EPSTI1: variants seen among roughly 807,000 people sequenced by gnomAD.
EPSTI1 encodes epithelial-stromal interaction protein 1.
Under a neutral mutation model 49.9 loss-of-function variants are expected in EPSTI1, and 66 were observed. That is an observed-to-expected ratio of 1.32 (90% CI 1.08 to 1.62). The LOEUF (loss-of-function observed/expected upper bound fraction) is 1.62. Ranked by LOEUF, EPSTI1 falls within the 40% of genes most tolerant of loss-of-function variation. EPSTI1 has a pLI of 0.00. For synonymous variants in EPSTI1, 137 were observed against 130.7 expected (o/e 1.05, Z -0.33); for missense variants, 394 against 365.5 (o/e 1.08, Z -0.64).
intron 5 of EPSTI1, among the ~76,000 whole-genome samples, chr13:42,954,648 G>C (rs2039204538): frequency 1.3e-5 from 2 of 152,118 alleles, no homozygotes; most frequent in African/African-American, 4.8e-5. Flanking sequence ...CATGGCTCTG[G>C]CATATTTTAA....
chr13:42,926,362 C>T lies in EPSTI1; in HGVS notation c.631G>A (p.Val211Ile). 1 of 1,612,370 alleles carries T rather than the reference C, an allele frequency of 6.2e-7. No individual in the cohort carries two copies. Among genetic ancestry groups the T allele is most frequent in the Non-Finnish European group, 8.5e-7 (1 of 1,178,348 alleles). Residue 211 changes from valine (V) to isoleucine (I), a missense_variant, in exon 7 of 11, where the codon GTT becomes ATT. Val to Ile is a conservative substitution (Grantham distance 29). Transcript: ENST00000313624. ...CATGTTGAGGATTGTGGGCCACAAA[C>T]AGCACTTTGACAGGCACTTCTGTCT... The part of the protein sequence containing the change: ...SPDRSACQSA[V>I]CGPQSSTWAR...
At chr13:42,961,138 G>A (rs1218621488) in intron 5 of EPSTI1, among the ~76,000 whole-genome samples, 2 of 152,148 alleles carry the variant, frequency 1.3e-5, no homozygotes, top group Non-Finnish European at 2.9e-5. Context: ...CTAGCCCTCT[G>A]AGGTTTGGCT....
intron 6 of EPSTI1, among the ~76,000 whole-genome samples, chr13:42,937,223 A>AC (rs1238556258): frequency 4.3e-4 from 8 of 18,620 alleles, no homozygotes; most frequent in Admixed American, 2.6e-3. Flanking sequence ...CGTTGTTGCT[A>AC]AAAAAAATGC....
chr13:42,974,583 A>T (rs9533325), intron 1 of EPSTI1, among the ~76,000 whole-genome samples: 1 of 151,084 alleles, frequency 6.6e-6, no homozygotes, highest in Non-Finnish European at 1.5e-5. Context: ...GGCGTGAACC[A>T]GGGAGGCGGA....
In EPSTI1 at chr13:42,901,975, T is replaced by A. The variant is rs574568760; in HGVS notation, c.742-1592A>T. Among the ~76,000 whole-genome samples the A allele has an allele frequency of 3.7e-3, 543 of 147,554 alleles. 5 individuals carry two copies. The highest frequency in any genetic ancestry group is 0.012 in the African/African-American group (487 of 40,150). ...ATGTTCCCCTTCCTGTGTCCATGTG[T>A]TCTCATTGTTCAATTCCCACCTATG... On this transcript the variant is annotated intron_variant, in intron 8 of 10. Transcript: ENST00000313624.
At chr13:42,965,274 A>T (rs1432025057) in intron 3 of EPSTI1, among the ~76,000 whole-genome samples, 2 of 152,324 alleles carry the variant, frequency 1.3e-5, no homozygotes, top group Middle Eastern at 3.4e-3. Flanking sequence ...AGTTTTGTTC[A>T]AAACTCATCT....
chr13:42,987,261 ACT>A (rs1476766519), intron 1 of EPSTI1, among the ~76,000 whole-genome samples: 3 of 152,030 alleles, frequency 2.0e-5, no homozygotes, highest in South Asian at 2.1e-4. Context: ...GTCCACACTA[ACT>A]CTGAGTAGTT....
At chr13:42,905,574 G>A (rs1039237685) in intron 8 of EPSTI1, among the ~76,000 whole-genome samples, 2 of 152,224 alleles carry the variant, frequency 1.3e-5, no homozygotes, top group Admixed American at 6.5e-5. Context: ...GACCAAGCTC[G>A]GGACATGAAA....
chr13:42,913,113 A>G (rs1453411467), intron 8 of EPSTI1, among the ~76,000 whole-genome samples: 1 of 152,094 alleles, frequency 6.6e-6, no homozygotes, highest in East Asian at 1.9e-4. Context: ...GAAGAAAAAA[A>G]ACAGTAAATA....
At chr13:42,915,039 A>T (rs986732278) in intron 8 of EPSTI1, among the ~76,000 whole-genome samples, 1 of 152,266 alleles carries the variant, frequency 6.6e-6, no homozygotes, top group Admixed American at 6.5e-5. Flanking sequence ...CCTAAACTTA[A>T]CCTAGATTAT....
intron 10 of EPSTI1, among the ~76,000 whole-genome samples, chr13:42,892,240 G>A (rs980002137): frequency 2.0e-5 from 3 of 152,186 alleles, no homozygotes; most frequent in Non-Finnish European, 2.9e-5. Flanking sequence ...AAGTGATTTG[G>A]GGGTGGCGAA....
intron 8 of EPSTI1, among the ~76,000 whole-genome samples, chr13:42,910,890 G>T (rs1215380632): frequency 6.6e-6 from 1 of 152,148 alleles, no homozygotes; most frequent in Non-Finnish European, 1.5e-5. Context: ...TTTCACCACT[G>T]AATATAATGT....
At chr13:42,957,729 C>T (rs1322311489) in intron 5 of EPSTI1, among the ~76,000 whole-genome samples, 1 of 152,146 alleles carries the variant, frequency 6.6e-6, no homozygotes, top group African/African-American at 2.4e-5. Context: ...GTACGTACCA[C>T]CACACCTGGC....
In EPSTI1 at chr13:42,938,952, A is replaced by G. The variant is rs2038660576; in HGVS notation, c.564-12523T>C. The stretch of plus-strand genomic sequence containing the variant: ...AAAAAATCTGTTGTTTAGTATACAC[A>G]CCTTCATCAATGATCTTAACTAGAT... On this transcript the variant is annotated intron_variant, in intron 6 of 10. Coordinates refer to ENST00000313624, the MANE Select transcript of EPSTI1 (RefSeq NM_033255.5). Among the ~76,000 whole-genome samples the G allele has an allele frequency of 2.9e-5, 4 of 140,140 alleles. No homozygotes were observed. In the South Asian group the frequency reaches 9.5e-4, roughly 33 times the overall value. The allele number at this position is 140,140 out of a possible 152,430, so 91.9% of individuals were successfully genotyped here.
At chr13:42,918,446 G>T (rs181612360) in intron 7 of EPSTI1, among the ~76,000 whole-genome samples, 3 of 152,312 alleles carry the variant, frequency 2.0e-5, no homozygotes, top group Admixed American at 2.0e-4. Context: ...GCAGCTTCAT[G>T]GCAGCAGGTT....
chr13:42,914,363 A>G (rs2037770618), intron 8 of EPSTI1, among the ~76,000 whole-genome samples: 1 of 152,178 alleles, frequency 6.6e-6, no homozygotes, highest in South Asian at 2.1e-4. Flanking sequence ...ATGTTTGCCA[A>G]TAGAATGAAT....
At chr13:42,952,954 C>T (rs908654247) in intron 6 of EPSTI1, among the ~76,000 whole-genome samples, 1 of 152,142 alleles carries the variant, frequency 6.6e-6, no homozygotes, top group African/African-American at 2.4e-5. Flanking sequence ...CAAATATGCT[C>T]ACCCCAACAT....
At chr13:42,942,757 C>T (rs932327546) in intron 6 of EPSTI1, among the ~76,000 whole-genome samples, 1 of 147,106 alleles carries the variant, frequency 6.8e-6, no homozygotes, top group Non-Finnish European at 1.5e-5. Context: ...GGCGCAATCT[C>T]GGCTCACTGC....
chr13:42,895,390 AAGAAAGAAACTACAGCCCTC>A lies in EPSTI1; in HGVS notation c.816-302_816-283del, dbSNP rs556581449. ...TGCCAGTTCAGCAAGACCCTAGTTC[AAGAAAGAAACTACAGCCCTC>A]AGAATCATGCCAGGTATGAACCTCA... On this transcript the variant is annotated intron_variant, in intron 9 of 10. Coordinates refer to ENST00000313624, the MANE Select transcript of EPSTI1 (RefSeq NM_033255.5). 1.9e-3 allele frequency among the ~76,000 whole-genome samples: 293 copies of A among 152,354 alleles called. 2 individuals carry two copies. Among genetic ancestry groups the A allele is most frequent in the African/African-American group, 6.7e-3 (277 of 41,594 alleles).
Sources: allele counts gnomAD v4.1 joint callset (sites outside exome capture counted in the v4.1 genomes callset), GRCh38; gene constraint gnomAD v4.1.1; transcripts MANE v1.5; gene names NCBI Gene and HGNC (gene_info 2026-07-23, HGNC 2026-07-21).